The following LDAF1 variants were observed in gnomAD, a reference collection of about 807,000 sequenced individuals.
LDAF1 encodes the protein PROMETHIN.
In LDAF1, 7 loss-of-function variants were observed where a neutral mutation model predicts 13.5. The ratio of observed to expected loss-of-function variants is 0.52; its 90% confidence interval spans 0.29 to 0.97. LDAF1 has a LOEUF of 0.97. Among genes scored for constraint, LDAF1 ranks in the 50% least tolerant of loss-of-function variants. The probability of loss-of-function intolerance (pLI) is 0.07; values close to 1 mark genes in which losing one functional copy is unlikely to be tolerated. For missense variants in LDAF1, 148 were observed against 193.2 expected (o/e 0.77, Z 1.39); for synonymous variants, 69 against 77.1 (o/e 0.89, Z 0.55).
intron 2 of LDAF1, among the ~76,000 whole-genome samples, chr16:21,163,473 C>T (rs927942135): frequency 6.6e-6 from 1 of 152,102 alleles, no homozygotes; most frequent in Non-Finnish European, 1.5e-5. Context: ...GATGAAACCC[C>T]TTCTCTACGA....
At chr16:21,171,706 T>C (rs1397632623) in intron 3 of LDAF1, among the ~76,000 whole-genome samples, 2 of 152,028 alleles carry the variant, frequency 1.3e-5, no homozygotes, top group Admixed American at 6.6e-5. Flanking sequence ...GCAAAGCCTC[T>C]AGAATAGTGG....
chr16:21,171,098 G>A (rs572449625), intron 3 of LDAF1, among the ~76,000 whole-genome samples: 101 of 152,274 alleles, frequency 6.6e-4, no homozygotes, highest in African/African-American at 2.3e-3. Context: ...TAAGCAGAGA[G>A]GCCATTCATT....
At chr16:21,159,013 CAT>C (rs1369957293) in intron 1 of LDAF1, among the ~76,000 whole-genome samples, 6 of 151,756 alleles carry the variant, frequency 4.0e-5, no homozygotes, top group African/African-American at 1.2e-4. Flanking sequence ...CACACACACA[CAT>C]ACACACACAC....
intron 2 of LDAF1, among the ~76,000 whole-genome samples, chr16:21,168,992 T>G (rs1011930612): frequency 5.5e-5 from 6 of 109,102 alleles, no homozygotes; most frequent in African/African-American, 7.9e-5. Flanking sequence ...ATTATAAACA[T>G]ATATAATTAT....
At chr16:21,178,465 A>C in intron 4 of LDAF1, 2 of 882,554 alleles carry the variant, frequency 2.3e-6, no homozygotes, top group Non-Finnish European at 2.7e-6. Flanking sequence ...GTTTAAACAC[A>C]CAGGGAACTT....
In LDAF1 at chr16:21,180,597, T is replaced by A. The variant is rs1406743633; in HGVS notation, c.*1041T>A. On this transcript the variant is annotated 3_prime_UTR_variant, in exon 5 of 5. Coordinates refer to ENST00000233047, the MANE Select transcript of LDAF1 (RefSeq NM_001301771.2). ...ACTAGTAAGTAAAAATAAAACTTCCTATGGGATTTCCCAGTGGAATTACTG... is the reference window on the plus strand; with the variant it reads ...ACTAGTAAGTAAAAATAAAACTTCCAATGGGATTTCCCAGTGGAATTACTG... The A allele has an allele frequency of 6.6e-6, 1 of 152,218 alleles. No homozygotes were observed. 9.4% of individuals were successfully genotyped at this position (152,218 alleles called of 1,614,324 possible).
intron 1 of LDAF1, chr16:21,159,442 C>T (rs2092939604): frequency 1.2e-6 from 2 of 1,613,482 alleles, no homozygotes; most frequent in Non-Finnish European, 1.7e-6. Context: ...TAGCTCCCAT[C>T]CCCCAACCAG....
At chr16:21,173,677 C>T (rs893467617) in intron 3 of LDAF1, among the ~76,000 whole-genome samples, 1 of 151,078 alleles carries the variant, frequency 6.6e-6, no homozygotes, top group African/African-American at 2.4e-5. Context: ...TGCGCCACTG[C>T]ACTCCAGCCT....
At chr16:21,159,258 C>T (rs367726670) in intron 1 of LDAF1, 10 of 1,357,836 alleles carry the variant, frequency 7.4e-6, no homozygotes, top group African/African-American at 4.3e-5. Context: ...TAACTAAGTA[C>T]TCGACTCCCC....
At chr16:21,166,245 TTAA>T (rs1227215835) in intron 2 of LDAF1, among the ~76,000 whole-genome samples, 2 of 152,214 alleles carry the variant, frequency 1.3e-5, no homozygotes, top group Middle Eastern at 3.2e-3. Context: ...TAAAAAAGTA[TTAA>T]TGAGATATTT....
chr16:21,159,227 G>A (rs1597515855), intron 1 of LDAF1: 1 of 1,085,042 alleles, frequency 9.2e-7, no homozygotes, highest in South Asian at 1.2e-5. Flanking sequence ...ATCAAAGGGG[G>A]CTTCTTTACC....
In LDAF1 at chr16:21,161,115, C is replaced by T. The variant is rs1188824607; in HGVS notation, c.-68C>T. The T allele has an allele frequency of 5.7e-6, 9 of 1,590,626 alleles. No individual in the cohort carries two copies. The highest frequency in any genetic ancestry group is 1.4e-5 in the African/African-American group (1 of 73,898). ...GACAGAGCGACATGAGAGATTGGACCGCGGGCTGCACTGGAGAATTTACTG... is the reference window on the plus strand; with the variant it reads ...GACAGAGCGACATGAGAGATTGGACTGCGGGCTGCACTGGAGAATTTACTG... On this transcript the variant is annotated 5_prime_UTR_variant, in exon 2 of 5. Coordinates refer to ENST00000233047, the MANE Select transcript of LDAF1 (RefSeq NM_001301771.2).
At chr16:21,163,749 A>G (rs767274165) in intron 2 of LDAF1, among the ~76,000 whole-genome samples, 26 of 152,370 alleles carry the variant, frequency 1.7e-4, no homozygotes, top group Non-Finnish European at 2.9e-4. Context: ...ATGAGTAATA[A>G]GGATTGACTG....
intron 4 of LDAF1, among the ~76,000 whole-genome samples, chr16:21,176,486 T>C (rs2093139494): frequency 6.6e-6 from 1 of 151,974 alleles, no homozygotes; most frequent in Non-Finnish European, 1.5e-5. Flanking sequence ...CTACAAAAAA[T>C]ACAAAAATTA....
chr16:21,169,520 G>C (rs2152846153), intron 2 of LDAF1, among the ~76,000 whole-genome samples: 1 of 152,124 alleles, frequency 6.6e-6, no homozygotes, highest in East Asian at 1.9e-4. Flanking sequence ...TGTTGTCCAG[G>C]CTGGTCTCAA....
chr16:21,179,297 C>A, intron 4 of LDAF1, 178 bp from the exon 5 acceptor site: 1 of 950,240 alleles, frequency 1.1e-6, no homozygotes, highest in Non-Finnish European at 1.3e-6. Context: ...CTAACCTGGT[C>A]ATTTTAACCT....
chr16:21,178,281 A>G, intron 4 of LDAF1: 1 of 985,350 alleles, frequency 1.0e-6, no homozygotes. Context: ...AGCTGTGTTT[A>G]TTTGCAGAGC....
intron 4 of LDAF1, 57 bp from the exon 5 acceptor site, chr16:21,179,418 C>T: frequency 1.9e-6 from 3 of 1,613,200 alleles, no homozygotes; most frequent in Non-Finnish European, 2.5e-6. Flanking sequence ...TGCACACTTC[C>T]AACGTTGCTC....
At chr16:21,167,692 G>GTTTGTTTTTTTTT (rs2093037316) in intron 2 of LDAF1, among the ~76,000 whole-genome samples, 1 of 8,988 alleles carries the variant, frequency 1.1e-4, no homozygotes, top group Non-Finnish European at 2.2e-4. Context: ...AAGACCTTAG[G>GTTTGTTTTTTTTT]TTTGTTTTTT....
Sources: allele counts gnomAD v4.1 joint callset (sites outside exome capture counted in the v4.1 genomes callset), GRCh38; gene constraint gnomAD v4.1.1; transcripts MANE v1.5; gene names NCBI Gene and HGNC (gene_info 2026-07-23, HGNC 2026-07-21).